The following BSDC1 variants were observed in gnomAD, a reference collection of about 807,000 sequenced individuals.
BSDC1 encodes BSD domain-containing protein 1.
BSDC1 carries 29 observed loss-of-function variants against 56.0 expected under a neutral mutation model. The ratio of observed to expected loss-of-function variants is 0.52; its 90% CI spans 0.39 to 0.71. The LOEUF is 0.71. Ranked by LOEUF, BSDC1 falls within the 30% of genes least tolerant of loss-of-function variation. The pLI, the probability that BSDC1 is intolerant of heterozygous loss-of-function variation, is 0.00. For synonymous variants in BSDC1, 210 were observed against 215.3 expected, an observed-to-expected ratio of 0.98 and a Z score of 0.21; for missense variants, 477 against 548.5, an observed-to-expected ratio of 0.87 and a Z score of 1.30.
At position 32,378,295 on chromosome 1, in the gene BSDC1, G is replaced by A; in HGVS notation, c.529-12C>T. 6.2e-7 allele frequency: 1 copy of A among 1,613,756 alleles called. No homozygotes were observed. Among genetic ancestry groups the A allele is most frequent in the South Asian group, 1.1e-5 (1 of 91,070 alleles). ...ACAGCTGCTGGAACCTGGAGGGAGGGGAAAATGGAGGTGAGACTTTGGGAG... is the reference window on the plus strand; with the variant it reads ...ACAGCTGCTGGAACCTGGAGGGAGGAGAAAATGGAGGTGAGACTTTGGGAG... On this transcript the variant is annotated splice_polypyrimidine_tract_variant and intron_variant, in intron 6 of 10. Coordinates refer to ENST00000455895, the MANE Select transcript of BSDC1 (RefSeq NM_018045.8). This position sits in a 1 kb window ranked among gnomAD's most constrained non-coding sequence, Gnocchi z 5.2.
chr1:32,387,144 T>C (rs1395169303), intron 2 of BSDC1, among the ~76,000 whole-genome samples: 1 of 152,204 alleles, frequency 6.6e-6, no homozygotes, highest in African/African-American at 2.4e-5. Flanking sequence ...GCAAGCTATG[T>C]GGCCATGAGT....
rs1641857073 is a variant in BSDC1, at chr1:32,366,531, G to C, written c.*91C>G. 8.1e-7 allele frequency: 1 copy of C among 1,241,952 alleles called. No individual in the cohort carries two copies. The highest frequency in any genetic ancestry group is 2.5e-5 in the East Asian group (1 of 39,526). 76.9% of individuals were successfully genotyped at this position (1,241,952 alleles called of 1,614,324 possible). A position where few individuals can be genotyped will look rare whatever the true frequency, so the allele number is the denominator to read the frequency against. On this transcript the variant is annotated 3_prime_UTR_variant, in exon 11 of 11. Coordinates refer to ENST00000455895, the MANE Select transcript of BSDC1 (RefSeq NM_018045.8). ...AGCTCTGGTTGGCAGAGGAGATTTG[G>C]GGGAACATTCTCAGTCTTCCAGGGC...
At chr1:32,381,903 A>C (rs890463037) in intron 4 of BSDC1, among the ~76,000 whole-genome samples, 7 of 152,244 alleles carry the variant, frequency 4.6e-5, no homozygotes, top group South Asian at 2.1e-4. Flanking sequence ...GCTAAAACAC[A>C]TACTTGAAAA....
intron 10 of BSDC1, chr1:32,367,008 G>T: frequency 9.6e-7 from 1 of 1,042,500 alleles, no homozygotes; most frequent in Non-Finnish European, 1.2e-6. Flanking sequence ...GCTCTGAGAA[G>T]CAGAGAACTC....
intron 3 of BSDC1, among the ~76,000 whole-genome samples, chr1:32,386,140 C>T (rs943679554): frequency 2.0e-5 from 3 of 151,838 alleles, no homozygotes; most frequent in East Asian, 1.9e-4. Context: ...TAACACGGTG[C>T]ACCCCGTCTC....
chr1:32,366,605 T>C lies in BSDC1; in HGVS notation c.*17A>G. 6.6e-7 allele frequency: 1 copy of C among 1,510,402 alleles called. No individual in the cohort carries two copies. Among genetic ancestry groups the C allele is most frequent in the Non-Finnish European group, 8.9e-7 (1 of 1,121,450 alleles). 93.6% of individuals were successfully genotyped at this position (1,510,402 alleles called of 1,614,324 possible). On this transcript the variant is annotated 3_prime_UTR_variant, in exon 11 of 11. Coordinates refer to ENST00000455895, the MANE Select transcript of BSDC1 (RefSeq NM_018045.8). ...CGAGAGATGCCATGGGTGGGGGAGC[T>C]GCTCCCTCTGGCTCCCTCACTCCCA... is the stretch of plus-strand genomic sequence containing the variant.
chr1:32,373,417 T>C (rs1642166713), intron 9 of BSDC1, among the ~76,000 whole-genome samples: 1 of 152,212 alleles, frequency 6.6e-6, no homozygotes. Flanking sequence ...AAATGAAACC[T>C]ATAATTTGTA....
intron 2 of BSDC1, among the ~76,000 whole-genome samples, chr1:32,392,923 G>A (rs561366636): frequency 5.9e-5 from 9 of 152,314 alleles, no homozygotes; most frequent in African/African-American, 2.2e-4. Flanking sequence ...AATTAGCCAG[G>A]AGTAGTGGCA....
At chr1:32,388,948 CTTTT>C (rs576567759) in intron 2 of BSDC1, among the ~76,000 whole-genome samples, 4 of 150,490 alleles carry the variant, frequency 2.7e-5, no homozygotes, top group Admixed American at 6.6e-5. Context: ...ATCTCTTCTT[CTTTT>C]TTTTCTTTTT....
intron 9 of BSDC1, among the ~76,000 whole-genome samples, chr1:32,369,949 A>G (rs143904246): frequency 0.012 from 1,787 of 151,348 alleles, 14 homozygotes; most frequent in Admixed American, 0.024. Flanking sequence ...CCTGCCTGGT[A>G]CCACATCCAG....
At chr1:32,373,227 G>A (rs1312718826) in intron 9 of BSDC1, among the ~76,000 whole-genome samples, 1 of 152,114 alleles carries the variant, frequency 6.6e-6, no homozygotes, top group Non-Finnish European at 1.5e-5. Context: ...CCTGACTACG[G>A]TTGTTTCTTG....
Position 32,383,966 on chromosome 1 carries a change from A to C in BSDC1, c.221T>G (p.Met74Arg). ...TAGGAAGTCAGATAACCCTTTCTTC[A>C]TCTTCTCTGTTGCTCCTGAGGAGCC... is the stretch of plus-strand genomic sequence containing the variant. ...TEGSSGATEK[M>R]KKGLSDFLGV... Residue 74 changes from methionine to arginine, a missense_variant, in exon 4 of 11, where the codon ATG (methionine) becomes AGG (arginine). Coordinates refer to ENST00000455895, the MANE Select transcript of BSDC1 (RefSeq NM_018045.8). 6.2e-7 allele frequency: 1 copy of C among 1,613,166 alleles called. No individual in the cohort carries two copies. Among genetic ancestry groups the C allele is most frequent in the Non-Finnish European group, 8.5e-7 (1 of 1,180,030 alleles).
chr1:32,394,400 T>A lies in BSDC1; in HGVS notation c.11+4A>T, dbSNP rs773908813. The A allele has an allele frequency of 1.2e-6, 2 of 1,613,570 alleles. No individual in the cohort carries two copies. The highest frequency in any genetic ancestry group is 2.7e-5 in the African/African-American group (2 of 74,678). ...AACGCCTAGGAGCAAAACGACAAGC[T>A]CACCCTTCCGCCATCTTGCCTGCAT... On this transcript the variant is annotated splice_donor_region_variant and intron_variant, in intron 1 of 10. Coordinates refer to ENST00000455895, the MANE Select transcript of BSDC1 (RefSeq NM_018045.8).
chr1:32,367,873 T>C (rs1641909230), intron 10 of BSDC1: 2 of 1,005,804 alleles, frequency 2.0e-6, no homozygotes, highest in Non-Finnish European at 2.4e-6. Context: ...ATCAATTCCA[T>C]GTTTTAGATG....
intron 2 of BSDC1, chr1:32,393,811 T>G (rs1642950372): frequency 2.1e-6 from 1 of 465,408 alleles, no homozygotes; most frequent in African/African-American, 2.0e-5. Flanking sequence ...TTTCCTGAGC[T>G]GGAATAAATT....
At chr1:32,389,328 C>T (rs1642785802) in intron 2 of BSDC1, among the ~76,000 whole-genome samples, 2 of 152,122 alleles carry the variant, frequency 1.3e-5, no homozygotes, top group African/African-American at 4.8e-5. Flanking sequence ...TGTTTTGTTC[C>T]CTGATGGTTC....
chr1:32,394,237 G>C (rs1642973829), intron 1 of BSDC1, 97 bp from the exon 2 acceptor site: 3 of 1,562,796 alleles, frequency 1.9e-6, no homozygotes, highest in Admixed American at 3.6e-5. Context: ...TGCGGGCCGA[G>C]GCTTCGCAGA....
Position 32,368,474 on chromosome 1 carries a change from T to C in BSDC1, c.1233A>G (p.Ala411=). Residue 411 remains alanine, a synonymous_variant, in exon 10 of 11, where the codon GCA becomes GCG. Coordinates refer to ENST00000455895, the MANE Select transcript of BSDC1 (RefSeq NM_018045.8). ...CCCCGGAGGCATCCACTTTGGAAAGTGCCATCTGCACCTCCTCTTCAGTCA... is the reference window on the plus strand; with the variant it reads ...CCCCGGAGGCATCCACTTTGGAAAGCGCCATCTGCACCTCCTCTTCAGTCA... ...LDMTEEEVQM[A]LSKVDASGEL... The C allele has an allele frequency of 6.2e-7, 1 of 1,614,144 alleles. No individual in the cohort carries two copies. Among genetic ancestry groups the C allele is most frequent in the East Asian group, 2.2e-5 (1 of 44,878 alleles).
At chr1:32,386,466 TTC>T (rs112034573) in intron 3 of BSDC1, 220 of 271,294 alleles carry the variant, frequency 8.1e-4, no homozygotes, top group East Asian at 1.5e-3. Flanking sequence ...CTCTAGGTCT[TTC>T]TCTCTCTCTC....
Sources: gnomAD v4.1 joint callset for allele counts (sites outside exome capture counted in the v4.1 genomes callset) on GRCh38, gnomAD v4.1.1 for gene constraint, Gnocchi (gnomAD v3.1) non-coding constraint, MANE v1.5 for transcripts, NCBI Gene and HGNC (gene_info 2026-07-23, HGNC 2026-07-21) for gene names.